The following DCC variants were observed in gnomAD, a reference collection of about 807,000 sequenced individuals.
DCC encodes the protein DCC netrin 1 receptor.
DCC carries 58 observed loss-of-function variants against 172.5 expected under a neutral mutation model. The ratio of observed to expected loss-of-function variants is 0.34; its 90% CI spans 0.27 to 0.42. The LOEUF (loss-of-function observed/expected upper bound fraction) is 0.42, where lower values mean the gene tolerates loss of function less well. Ranked by LOEUF, DCC falls within the 10% of genes least tolerant of loss-of-function variation. The pLI, the probability that DCC is intolerant of heterozygous loss-of-function variation, is 1.00. For synonymous variants in DCC, 709 were observed against 644.5 expected (o/e 1.10, Z -1.52); for missense variants, 1,740 against 1,791.0 (o/e 0.97, Z 0.51).
intron 27 of DCC, among the ~76,000 whole-genome samples, chr18:53,511,353 G>A (rs991913547): frequency 7.2e-5 from 11 of 152,226 alleles, no homozygotes; most frequent in Non-Finnish European, 4.4e-5. Context: ...GCTGTAAACT[G>A]AAACAGACAG....
At chr18:52,493,495 G>A (rs755367362) in intron 1 of DCC, among the ~76,000 whole-genome samples, 1 of 152,036 alleles carries the variant, frequency 6.6e-6, no homozygotes, top group Non-Finnish European at 1.5e-5. Context: ...AATCGTAATA[G>A]TTTATGTTGG....
intron 7 of DCC, among the ~76,000 whole-genome samples, chr18:53,125,411 C>T (rs2043541445): frequency 6.6e-6 from 1 of 152,006 alleles, no homozygotes; most frequent in South Asian, 2.1e-4. Flanking sequence ...CCAAGTATGA[C>T]TTGGATTTTC....
chr18:53,031,194 G>A (rs1286558334), intron 5 of DCC, among the ~76,000 whole-genome samples: 1 of 152,174 alleles, frequency 6.6e-6, no homozygotes, highest in Admixed American at 6.6e-5. Flanking sequence ...GGGAGGCAGA[G>A]GTTGCAGTGA....
intron 9 of DCC, among the ~76,000 whole-genome samples, chr18:53,182,403 C>G (rs976709834): frequency 1.3e-5 from 2 of 152,088 alleles, no homozygotes; most frequent in Non-Finnish European, 2.9e-5. Flanking sequence ...TGATTTGATT[C>G]TGTTTCACTG....
rs536116378 is a variant in DCC, at chr18:53,314,655, A to T, written c.2054-7392A>T. On this transcript the variant is annotated intron_variant, in intron 13 of 28. Coordinates refer to ENST00000442544, the MANE Select transcript of DCC (RefSeq NM_005215.4). Reference sequence around the variant, plus strand: ...ATAATGGGATTCTATACATATCTAAATTTTTTTTATACTTAACCTAGCTTT... The same window carrying T: ...ATAATGGGATTCTATACATATCTAATTTTTTTTTATACTTAACCTAGCTTT... Among the ~76,000 whole-genome samples the T allele has an allele frequency of 6.0e-4, 91 of 152,176 alleles. 6 individuals carry two copies. The South Asian group carries it at 0.018, about 30-fold the overall frequency.
chr18:53,250,061 C>T (rs1277541602), intron 12 of DCC, among the ~76,000 whole-genome samples: 1 of 151,940 alleles, frequency 6.6e-6, no homozygotes, highest in East Asian at 1.9e-4. Flanking sequence ...GTTGAAAAGA[C>T]ATTAATACAT....
At chr18:53,136,529 A>C (rs1193931191) in intron 7 of DCC, among the ~76,000 whole-genome samples, 1 of 152,128 alleles carries the variant, frequency 6.6e-6, no homozygotes, top group Non-Finnish European at 1.5e-5. Flanking sequence ...ATTTATTTGT[A>C]TAAGTCTACT....
intron 1 of DCC, among the ~76,000 whole-genome samples, chr18:52,362,042 T>C (rs887328918): frequency 6.6e-6 from 1 of 152,236 alleles, no homozygotes; most frequent in Non-Finnish European, 1.5e-5. Context: ...ACCACATTGA[T>C]TGGAATAATT....
Position 53,047,490 on chromosome 18 carries a change from T to A in DCC, c.986-15815T>A, listed in dbSNP as rs1198164066. Among the ~76,000 whole-genome samples the A allele has an allele frequency of 8.0e-4, 65 of 81,686 alleles. 1 individual carries two copies. Among genetic ancestry groups the A allele is most frequent in the African/African-American group, 1.3e-3 (26 of 19,404 alleles). The allele number at this position is 81,686 out of a possible 152,430, so 53.6% of individuals were successfully genotyped here. A position where few individuals can be genotyped will look rare whatever the true frequency, so the allele number is the denominator to read the frequency against. On this transcript the variant is annotated intron_variant, in intron 5 of 28. Coordinates refer to ENST00000442544, the MANE Select transcript of DCC (RefSeq NM_005215.4). ...CATTTTTGCTATTGAGGAATCTTTT[T>A]TTTATTAAACTGAGAAGTCATATAT...
chr18:52,800,697 G>A (rs192268508), intron 2 of DCC, among the ~76,000 whole-genome samples: 4 of 152,256 alleles, frequency 2.6e-5, no homozygotes, highest in East Asian at 1.9e-4. Flanking sequence ...TTGTGTTAAC[G>A]TATCACCTTG....
intron 11 of DCC, among the ~76,000 whole-genome samples, chr18:53,209,542 G>C (rs1387498998): frequency 2.6e-5 from 4 of 152,148 alleles, no homozygotes; most frequent in Non-Finnish European, 5.9e-5. Flanking sequence ...CACAATATCA[G>C]TGAAATGAGG....
chr18:53,139,222 C>T (rs923607597), intron 7 of DCC, among the ~76,000 whole-genome samples: 5 of 152,214 alleles, frequency 3.3e-5, no homozygotes, highest in East Asian at 1.9e-4. Flanking sequence ...TGACTTTTTC[C>T]GGACTAAGCC....
At chr18:52,831,312 A>G (rs143159681) in intron 2 of DCC, among the ~76,000 whole-genome samples, 6 of 152,248 alleles carry the variant, frequency 3.9e-5, no homozygotes, top group African/African-American at 1.4e-4. Flanking sequence ...AGGCTAGTGT[A>G]AGGACTTTGG....
intron 5 of DCC, among the ~76,000 whole-genome samples, chr18:53,033,250 A>G (rs2042048652): frequency 6.6e-6 from 1 of 152,114 alleles, no homozygotes; most frequent in African/African-American, 2.4e-5. Context: ...AGACTCCTGA[A>G]GCCAAACATG....
intron 12 of DCC, among the ~76,000 whole-genome samples, chr18:53,292,094 T>G (rs536368428): frequency 7.0e-6 from 1 of 143,474 alleles, no homozygotes; most frequent in South Asian, 2.2e-4. Context: ...TTTTCATGTC[T>G]TTTTATTCTT....
intron 23 of DCC, among the ~76,000 whole-genome samples, chr18:53,458,049 A>G (rs759449354): frequency 3.4e-4 from 52 of 152,314 alleles, no homozygotes; most frequent in African/African-American, 1.2e-3. Context: ...CACTGAGAGT[A>G]GCTTGTATGA....
At chr18:52,869,527 C>T (rs1229085539) in intron 2 of DCC, among the ~76,000 whole-genome samples, 2 of 152,186 alleles carry the variant, frequency 1.3e-5, no homozygotes, top group African/African-American at 4.8e-5. Context: ...AGCCTTCAGG[C>T]CCTTCCTGGC....
At chr18:53,100,438 A>C (rs2043154317) in intron 7 of DCC, among the ~76,000 whole-genome samples, 6 of 152,118 alleles carry the variant, frequency 3.9e-5, no homozygotes. Flanking sequence ...ACAGCAAATA[A>C]ATAGAAAGGA....
intron 22 of DCC, among the ~76,000 whole-genome samples, chr18:53,437,376 C>G (rs906687802): frequency 2.6e-5 from 4 of 151,826 alleles, no homozygotes; most frequent in Non-Finnish European, 5.9e-5. Flanking sequence ...GTCAGGAAAT[C>G]GAGACCATCC....
Sources: allele counts gnomAD v4.1 joint callset (sites outside exome capture counted in the v4.1 genomes callset), GRCh38; gene constraint gnomAD v4.1.1; transcripts MANE v1.5; gene names NCBI Gene and HGNC (gene_info 2026-07-23, HGNC 2026-07-21).